Variants in TFEB observed in about 807,000 individuals in gnomAD.
TFEB encodes the protein T-cell transcription factor EB.
In TFEB, 12 loss-of-function variants were observed where a neutral mutation model predicts 48.0. The ratio of observed to expected loss-of-function variants is 0.25; its 90% CI spans 0.16 to 0.40. TFEB has a LOEUF of 0.40. Ranked by LOEUF, TFEB falls within the 10% of genes least tolerant of loss-of-function variation. TFEB has a pLI of 1.00. For synonymous variants in TFEB, 244 were observed against 261.4 expected (o/e 0.93, Z 0.64); for missense variants, 509 against 640.3 (o/e 0.79, Z 2.21).
At chr6:41,716,961 C>T (rs1345790207) in intron 1 of TFEB, among the ~76,000 whole-genome samples, 2 of 152,204 alleles carry the variant, frequency 1.3e-5, no homozygotes, top group African/African-American at 4.8e-5. Context: ...CCCTACATCA[C>T]AAGCCAGGTG....
At chr6:41,715,389 G>A (rs1770690262) in intron 1 of TFEB, among the ~76,000 whole-genome samples, 1 of 152,168 alleles carries the variant, frequency 6.6e-6, no homozygotes, top group Admixed American at 6.5e-5. Flanking sequence ...AGTCTCATGA[G>A]CCGGGCGCAG....
intron 1 of TFEB, among the ~76,000 whole-genome samples, chr6:41,707,189 T>C (rs1312892965): frequency 6.6e-6 from 1 of 152,184 alleles, no homozygotes; most frequent in African/African-American, 2.4e-5. Context: ...TTCCAATGCC[T>C]GAACCAATCC....
chr6:41,735,997 G>T (rs1771662663), upstream of TFEB: 8 of 968,424 alleles, frequency 8.3e-6, no homozygotes, highest in Admixed American at 7.5e-5. Flanking sequence ...CTCTTCAGGA[G>T]TAGGGTGCAG....
At chr6:41,732,229 C>T (rs1188648640) in intron 1 of TFEB, among the ~76,000 whole-genome samples, 1 of 152,082 alleles carries the variant, frequency 6.6e-6, no homozygotes, top group Non-Finnish European at 1.5e-5. Context: ...AGAGAGAACT[C>T]CTGGGAAACC....
Position 41,692,110 on chromosome 6 carries a change from C to T in TFEB, c.-22-875G>A, listed in dbSNP as rs140170883. Among the ~76,000 whole-genome samples, 403 of 152,298 alleles carry T rather than the reference C, an allele frequency of 2.6e-3. 3 individuals are homozygous for T. The highest frequency in any genetic ancestry group is 4.5e-3 in the Non-Finnish European group (303 of 68,032). On this transcript the variant is annotated intron_variant, in intron 1 of 8. Transcript: ENST00000373033. ...AGCCCTCCACCACCACTTCCTATGCCCCTTCCCTTTTGTTTTTATTTTCCT... is the reference window on the plus strand; with the variant it reads ...AGCCCTCCACCACCACTTCCTATGCTCCTTCCCTTTTGTTTTTATTTTCCT...
chr6:41,691,116 T>A lies in TFEB; in HGVS notation c.98A>T (p.Tyr33Phe). 6.3e-7 allele frequency: 1 copy of A among 1,585,150 alleles called. No homozygotes were observed. Residue 33 changes from tyrosine to phenylalanine, a missense_variant, in exon 2 of 9, where the codon TAC (tyrosine) becomes TTC (phenylalanine). Transcript: ENST00000373033. This position sits in a 1 kb window ranked among gnomAD's most constrained non-coding sequence, Gnocchi z 5.2. ...ERMQQQAVMH[Y>F]MQQQQQQQQQ... is the part of the protein sequence containing the mutation. ...TTGCTGCTGCTGCTGCTGCTGCATGTAATGCATGACAGCCTGTTGCTGCAT... is the reference window on the plus strand; with the variant it reads ...TTGCTGCTGCTGCTGCTGCTGCATGAAATGCATGACAGCCTGTTGCTGCAT...
At position 41,684,760 on chromosome 6, in the gene TFEB, G is replaced by C. The variant is rs760195807; in HGVS notation, c.1270C>G (p.Pro424Ala). 6.2e-7 allele frequency: 1 copy of C among 1,612,816 alleles called. No homozygotes were observed. Among genetic ancestry groups the C allele is most frequent in the South Asian group, 1.1e-5 (1 of 90,862 alleles). ...PEPLAPGHGS[P>A]FPSLSKKDLD... is the part of the protein sequence containing the mutation. ...TCCTTCTTGGACAGGCTGGGGAATG[G>C]GGAGCCATGCCCCGGCGCCAGGGGT... Residue 424 changes from proline (P) to alanine (A), a missense_variant, in exon 9 of 9, where the codon CCA becomes GCA. Pro to Ala is a conservative substitution (Grantham distance 27, BLOSUM62 -1). This residue lies in a region of TFEB where 168 missense variants were observed against 161.0 expected (regional missense o/e 1.04). Coordinates refer to ENST00000373033, the MANE Select transcript of TFEB (RefSeq NM_001271944.2).
At chr6:41,693,778 C>T (rs1043050785) in intron 1 of TFEB, among the ~76,000 whole-genome samples, 1 of 152,156 alleles carries the variant, frequency 6.6e-6, no homozygotes, top group Non-Finnish European at 1.5e-5. Context: ...AGCAGATGCC[C>T]ACCACTCCCT....
rs777250949 is a variant in TFEB, at chr6:41,730,255, T to A, written c.-23+5095A>T. On this transcript the variant is annotated intron_variant, in intron 1 of 8. Transcript: ENST00000373033. This position sits in a 1 kb window ranked among gnomAD's most constrained non-coding sequence, Gnocchi z 4.1. ...AGTAAGATGGAACAGTGCCCCGGTC[T>A]CTCTGAAATGTGTGCCCTGATGGAG... is the stretch of plus-strand genomic sequence containing the variant. Among the ~76,000 whole-genome samples the A allele has an allele frequency of 2.0e-5, 3 of 152,178 alleles. No individual in the cohort carries two copies. Among genetic ancestry groups the A allele is most frequent in the Non-Finnish European group, 4.4e-5 (3 of 68,040 alleles).
intron 1 of TFEB, among the ~76,000 whole-genome samples, chr6:41,694,508 G>T (rs1769478444): frequency 6.6e-6 from 1 of 152,082 alleles, no homozygotes; most frequent in Non-Finnish European, 1.5e-5. Context: ...GCTGAGTGTG[G>T]TGTAGGTGGG....
At chr6:41,694,257 C>T (rs1206159327) in intron 1 of TFEB, among the ~76,000 whole-genome samples, 2 of 152,184 alleles carry the variant, frequency 1.3e-5, no homozygotes, top group Admixed American at 6.5e-5. Flanking sequence ...CTTGGGAATC[C>T]CTGCCCCACC....
At position 41,723,767 on chromosome 6, in the gene TFEB, C is replaced by T. The variant is rs1771089855; in HGVS notation, c.-23+11583G>A. 6 of 372,230 alleles carry T rather than the reference C, an allele frequency of 1.6e-5. No homozygotes were observed. Among genetic ancestry groups the T allele is most frequent in the South Asian group, 1.2e-4 (6 of 49,972 alleles). 23.1% of individuals were successfully genotyped at this position (372,230 alleles called of 1,614,324 possible). A position where few individuals can be genotyped will look rare whatever the true frequency, so the allele number is the denominator to read the frequency against. On this transcript the variant is annotated intron_variant, in intron 1 of 8. Transcript: ENST00000373033. This position sits in a 1 kb window ranked among gnomAD's most constrained non-coding sequence, Gnocchi z 6.0. ...TCACCCGCCCGGCTCCAGGCGCCCA[C>T]AGCGCTCCTTGGTCCTCCCACAGGA...
rs1461032673 is a variant in TFEB, at chr6:41,734,009, C to T, written c.-23+1341G>A. 5.1e-6 allele frequency: 2 copies of T among 394,028 alleles called. No homozygotes were observed. The highest frequency in any genetic ancestry group is 6.9e-6 in the Non-Finnish European group (2 of 289,116). 24.4% of individuals were successfully genotyped at this position (394,028 alleles called of 1,614,324 possible). A position where few individuals can be genotyped will look rare whatever the true frequency, so the allele number is the denominator to read the frequency against. ...CTGGGGGCCTGCATCCGTCTTGTCC[C>T]TTTCCCTGAGGGATGAAGCAGCCCC... On this transcript the variant is annotated intron_variant, in intron 1 of 8. Coordinates refer to ENST00000373033, the MANE Select transcript of TFEB (RefSeq NM_001271944.2). This position sits in a 1 kb window ranked among gnomAD's most constrained non-coding sequence, Gnocchi z 4.0.
At chr6:41,708,165 G>T (rs574838739) in intron 1 of TFEB, among the ~76,000 whole-genome samples, 4 of 152,380 alleles carry the variant, frequency 2.6e-5, no homozygotes, top group Admixed American at 2.0e-4. Context: ...CATCCTGACA[G>T]CTTCCTCTTT....
chr6:41,688,216 C>T, intron 4 of TFEB, 188 bp from the exon 5 acceptor site: 1 of 633,268 alleles, frequency 1.6e-6, no homozygotes, highest in Non-Finnish European at 2.6e-6. Context: ...AAGATGTAGT[C>T]CCTGCCCTCA....
intron 1 of TFEB, among the ~76,000 whole-genome samples, chr6:41,715,478 T>G (rs1770695357): frequency 6.6e-6 from 1 of 152,050 alleles, no homozygotes; most frequent in Non-Finnish European, 1.5e-5. Flanking sequence ...GAGACCAGCT[T>G]GACCAACATG....
chr6:41,691,017 G>A lies in TFEB; in HGVS notation c.197C>T (p.Pro66Leu). Residue 66 changes from proline (P) to leucine (L), a missense_variant, in exon 2 of 9, where the codon CCT becomes CTT. Physicochemically the swap from Pro to Leu is moderately conservative, Grantham distance 98. Around this residue, in one of 4 missense-constraint regions of TFEB, gnomAD observed 251 missense variants for 317.2 expected, o/e 0.79. Transcript: ENST00000373033. The surrounding 1 kb of genome is among the most constrained non-coding windows in gnomAD (Gnocchi z 5.2). Reference protein sequence around the residue: ...PVHFQSPPPVPGEVLKVQSYL... With the variant: ...PVHFQSPPPVLGEVLKVQSYL... ...AGGCCCTACCTTCAACACCTCCCCA[G>A]GCACAGGTGGTGGCGACTGGAAGTG... The A allele has an allele frequency of 1.9e-6, 3 of 1,576,976 alleles. No homozygotes were observed. The highest frequency in any genetic ancestry group is 2.6e-6 in the Non-Finnish European group (3 of 1,159,436).
chr6:41,709,321 C>T (rs966120358), intron 1 of TFEB, among the ~76,000 whole-genome samples: 7 of 152,190 alleles, frequency 4.6e-5, no homozygotes, highest in African/African-American at 1.4e-4. Context: ...TTCCCAGGGT[C>T]GCAGTATCCT....
intron 7 of TFEB, chr6:41,686,847 A>G (rs1279882642): frequency 5.4e-6 from 3 of 552,904 alleles, no homozygotes; most frequent in Non-Finnish European, 9.7e-6. Flanking sequence ...AAACTTTCTC[A>G]GCATGACTGC....
Sources: gnomAD v4.1 joint callset for allele counts (sites outside exome capture counted in the v4.1 genomes callset) on GRCh38, gnomAD v4.1.1 for gene constraint, gnomAD v4.1.1 regional missense constraint, Gnocchi (gnomAD v3.1) non-coding constraint, MANE v1.5 for transcripts, NCBI Gene and HGNC (gene_info 2026-07-23, HGNC 2026-07-21) for gene names.